The following PTPRA variants were observed in gnomAD, a reference collection of about 807,000 sequenced individuals.
PTPRA encodes receptor-type tyrosine-protein phosphatase alpha.
In PTPRA, 25 loss-of-function variants were observed where a neutral mutation model predicts 104.8. The ratio of observed to expected loss-of-function variants is 0.24; its 90% CI spans 0.17 to 0.33. The LOEUF is 0.33. PTPRA is among the 10% of genes least tolerant of loss of function. The pLI is 1.00. For missense variants in PTPRA, 765 were observed against 1,015.3 expected (o/e 0.75, Z 3.35); for synonymous variants, 323 against 368.9 (o/e 0.88, Z 1.43).
At position 2,990,928 on chromosome 20, in the gene PTPRA, T is replaced by G. The variant is rs78458087; in HGVS notation, c.738+2454T>G. ...AAATAACTAACTACAATATAGAGAA[T>G]AGATAAAAGGGAGAGGCAAGAGTTG... On this transcript the variant is annotated intron_variant, in intron 9 of 23. Coordinates refer to ENST00000399903, the MANE Select transcript of PTPRA (RefSeq NM_001385305.1). Among the ~76,000 whole-genome samples the G allele has an allele frequency of 9.7e-3, 1,480 of 151,988 alleles. 66 individuals are homozygous for G. The East Asian group carries it at 0.12, about 12-fold the overall frequency.
At chr20:3,014,028 G>A (rs977104126) in intron 11 of PTPRA, among the ~76,000 whole-genome samples, 7 of 152,170 alleles carry the variant, frequency 4.6e-5, no homozygotes, top group Non-Finnish European at 1.0e-4. Context: ...TTCAGGGCCC[G>A]CATGCTGCAA....
intron 1 of PTPRA, among the ~76,000 whole-genome samples, chr20:2,907,145 G>A (rs1003300236): frequency 2.6e-5 from 4 of 152,192 alleles, no homozygotes; most frequent in South Asian, 4.1e-4. Flanking sequence ...AATAACAACA[G>A]TTTAAGTTTC....
chr20:2,865,567 A>T, the PTPRA span: 1 of 1,419,778 alleles, frequency 7.0e-7, no homozygotes, highest in Non-Finnish European at 9.7e-7. The surrounding 1 kb of genome is among the most constrained non-coding windows in gnomAD (Gnocchi z 5.2). Context: ...AGGCAGGGAG[A>T]CAGATAGGAT....
intron 6 of PTPRA, among the ~76,000 whole-genome samples, chr20:2,981,058 C>G (rs571180965): frequency 2.0e-5 from 3 of 152,014 alleles, no homozygotes. Context: ...TTTCTGTCTG[C>G]AGGCCCCAGG....
chr20:2,989,845 G>A (rs552432650), intron 9 of PTPRA, among the ~76,000 whole-genome samples: 29 of 152,182 alleles, frequency 1.9e-4, no homozygotes, highest in East Asian at 5.8e-4. Flanking sequence ...GTGAAACCCT[G>A]TCTCTACTAA....
At chr20:2,965,427 G>A (rs142584603) in intron 5 of PTPRA, among the ~76,000 whole-genome samples, 2 of 152,224 alleles carry the variant, frequency 1.3e-5, no homozygotes, top group East Asian at 3.9e-4. Flanking sequence ...TAGATTGAGA[G>A]GACTTAAATG....
At chr20:2,961,026 G>A (rs949578435) in intron 3 of PTPRA, among the ~76,000 whole-genome samples, 4 of 151,876 alleles carry the variant, frequency 2.6e-5, no homozygotes, top group Non-Finnish European at 4.4e-5. Context: ...TTATCCATTC[G>A]CCTGCTGAAG....
intron 16 of PTPRA, among the ~76,000 whole-genome samples, 171 bp from the exon 17 acceptor site, chr20:3,024,301 C>T (rs149799749): frequency 3.2e-4 from 49 of 152,250 alleles, no homozygotes; most frequent in African/African-American, 1.1e-3. Flanking sequence ...CACAGGGACT[C>T]CTGCATTTCA....
intron 20 of PTPRA, among the ~76,000 whole-genome samples, chr20:3,032,270 C>G (rs1404274720): frequency 6.6e-6 from 1 of 152,190 alleles, no homozygotes; most frequent in Non-Finnish European, 1.5e-5. Flanking sequence ...TGGCCCCATT[C>G]CGTCCTGCCT....
chr20:3,032,831 T>A (rs1210618720), intron 20 of PTPRA, among the ~76,000 whole-genome samples: 2 of 151,592 alleles, frequency 1.3e-5, no homozygotes, highest in African/African-American at 4.8e-5. Context: ...CCTTCCAGGC[T>A]TGGCCCCACT....
chr20:3,033,047 C>T (rs1206181766), intron 20 of PTPRA, among the ~76,000 whole-genome samples: 2 of 151,958 alleles, frequency 1.3e-5, no homozygotes, highest in East Asian at 3.8e-4. Flanking sequence ...TGACCTCCTC[C>T]TCTAAAACAT....
intron 9 of PTPRA, among the ~76,000 whole-genome samples, chr20:3,004,585 C>T (rs917379770): frequency 1.1e-4 from 17 of 151,596 alleles, no homozygotes; most frequent in African/African-American, 3.6e-4. Flanking sequence ...GTGCCATGCC[C>T]CCTTAGATCC....
At chr20:3,000,583 AAG>A (rs1166450229) in intron 9 of PTPRA, among the ~76,000 whole-genome samples, 2 of 152,226 alleles carry the variant, frequency 1.3e-5, no homozygotes, top group Non-Finnish European at 2.9e-5. Context: ...ATGCACAAGA[AAG>A]ATACAAAAAT....
At chr20:2,918,087 C>CAA (rs149539458) in intron 1 of PTPRA, among the ~76,000 whole-genome samples, 32 of 94,210 alleles carry the variant, frequency 3.4e-4, no homozygotes, top group African/African-American at 7.7e-4. Context: ...GACTCTGTCT[C>CAA]AAAAAAAAAA....
intron 6 of PTPRA, among the ~76,000 whole-genome samples, chr20:2,979,566 G>T (rs1391041827): frequency 6.6e-6 from 1 of 152,158 alleles, no homozygotes; most frequent in South Asian, 2.1e-4. Context: ...ATGCTCTGTC[G>T]CCCAGGCTGG....
intron 1 of PTPRA, among the ~76,000 whole-genome samples, chr20:2,911,879 GAAAA>G (rs1009160853): frequency 6.7e-6 from 1 of 149,992 alleles, no homozygotes; most frequent in African/African-American, 2.4e-5. Context: ...GGAAGTCAGT[GAAAA>G]AAAAAGACTG....
the PTPRA span, chr20:2,864,622 T>G: frequency 1.2e-6 from 2 of 1,614,150 alleles, no homozygotes; most frequent in Admixed American, 1.7e-5. The surrounding 1 kb of genome is among the most constrained non-coding windows in gnomAD (Gnocchi z 5.2). Flanking sequence ...ATTGGGCAGC[T>G]TCCACATCCG....
chr20:3,016,675 G>C (rs1208259161), intron 12 of PTPRA, among the ~76,000 whole-genome samples: 1 of 152,256 alleles, frequency 6.6e-6, no homozygotes, highest in African/African-American at 2.4e-5. Context: ...GGGAGCCAGA[G>C]GTTGCAGTGA....
chr20:2,971,434 G>T (rs2062182054), intron 5 of PTPRA, among the ~76,000 whole-genome samples: 2 of 152,066 alleles, frequency 1.3e-5, no homozygotes, highest in Admixed American at 6.6e-5. Flanking sequence ...TTTTGTACTG[G>T]CCACCTTAAA....
Sources: gnomAD v4.1 joint callset for allele counts (sites outside exome capture counted in the v4.1 genomes callset) on GRCh38, gnomAD v4.1.1 for gene constraint, Gnocchi (gnomAD v3.1) non-coding constraint, MANE v1.5 for transcripts, NCBI Gene and HGNC (gene_info 2026-07-23, HGNC 2026-07-21) for gene names.